UQCC1: variants seen among roughly 807,000 people sequenced by gnomAD.
UQCC1 encodes bFGF-repressed Zic-binding protein.
A neutral mutation model predicts 48.0 loss-of-function variants in UQCC1; 38 were observed. The observed-to-expected ratio is 0.79, with a 90% CI of 0.61 to 1.04. UQCC1 has a LOEUF of 1.04. Ranked by LOEUF, UQCC1 falls within the 50% of genes least tolerant of loss-of-function variation. UQCC1 has a pLI of 0.00. For missense variants in UQCC1, 368 were observed against 381.8 expected (o/e 0.96, Z 0.30); for synonymous variants, 111 against 129.2 (o/e 0.86, Z 0.95).
chr20:35,389,087 A>T (rs1275678309), intron 2 of UQCC1, among the ~76,000 whole-genome samples: 2 of 151,998 alleles, frequency 1.3e-5, no homozygotes, highest in Admixed American at 6.6e-5. Flanking sequence ...TAAAAAAAAT[A>T]AAAAAATAAA....
At chr20:35,311,944 T>A (rs918459459) in intron 8 of UQCC1, among the ~76,000 whole-genome samples, 5 of 152,136 alleles carry the variant, frequency 3.3e-5, no homozygotes, top group African/African-American at 1.2e-4. Flanking sequence ...AGATTTAGAT[T>A]TTAAAAGCAC....
intron 7 of UQCC1, chr20:35,346,023 T>G (rs2061428281): frequency 6.6e-6 from 1 of 152,162 alleles, no homozygotes; most frequent in South Asian, 2.1e-4. Context: ...CTGGGTCGGG[T>G]GGATACTTGC....
rs1336315060 is a variant in UQCC1 at position 35,321,281 on chromosome 20, TGTGC to T, written c.574-6520_574-6517del. On this transcript the variant is annotated intron_variant, in intron 7 of 9. Transcript: ENST00000374385. Reference sequence around the variant, plus strand: ...GTGTGTGTGTGTGTGTGTGTGTGTGTGTGCGCGCGCGCGCGCGCACGCTCAGGCA... The same window carrying T: ...GTGTGTGTGTGTGTGTGTGTGTGTGTGCGCGCGCGCGCGCACGCTCAGGCA... Among the ~76,000 whole-genome samples, 610 of 138,946 alleles carry T rather than the reference TGTGC, an allele frequency of 4.4e-3. 4 individuals carry two copies. The highest frequency in any genetic ancestry group is 0.013 in the African/African-American group (431 of 33,052). 91.2% of individuals were successfully genotyped at this position (138,946 alleles called of 152,430 possible).
intron 1 of UQCC1, among the ~76,000 whole-genome samples, chr20:35,406,720 T>A (rs1344589509): frequency 2.0e-5 from 3 of 152,234 alleles, no homozygotes; most frequent in Non-Finnish European, 4.4e-5. Context: ...ATGGATTTTT[T>A]GTTTGTAATT....
At chr20:35,325,876 C>CA (rs1022540483) in intron 7 of UQCC1, among the ~76,000 whole-genome samples, 4 of 150,238 alleles carry the variant, frequency 2.7e-5, no homozygotes, top group Admixed American at 6.6e-5. Context: ...AAAACACACA[C>CA]AAAAAAAACA....
At chr20:35,322,713 C>G (rs907948735) in intron 7 of UQCC1, among the ~76,000 whole-genome samples, 19 of 152,032 alleles carry the variant, frequency 1.2e-4, no homozygotes, top group African/African-American at 4.6e-4. Context: ...AGCCTGGCAA[C>G]TGAGCAAGAC....
At chr20:35,379,372 CCAATA>C (rs1332481040) in intron 4 of UQCC1, among the ~76,000 whole-genome samples, 81 of 152,310 alleles carry the variant, frequency 5.3e-4, no homozygotes, top group Non-Finnish European at 2.9e-4. Flanking sequence ...CCAGTGCAAT[CCAATA>C]CAAGTGCATT....
intron 6 of UQCC1, among the ~76,000 whole-genome samples, chr20:35,364,730 A>G (rs748218898): frequency 4.6e-5 from 7 of 152,266 alleles, no homozygotes; most frequent in South Asian, 2.1e-4. Flanking sequence ...AAGCAGGCAC[A>G]GTTTGGAAAC....
At chr20:35,370,324 C>A (rs1570003) in intron 5 of UQCC1, among the ~76,000 whole-genome samples, 1 of 151,288 alleles carries the variant, frequency 6.6e-6, no homozygotes, top group African/African-American at 2.4e-5. Context: ...TGGGATTACA[C>A]GTGTGAGCCA....
At chr20:35,363,598 C>T (rs1479738696) in intron 6 of UQCC1, among the ~76,000 whole-genome samples, 1 of 152,152 alleles carries the variant, frequency 6.6e-6, no homozygotes, top group African/African-American at 2.4e-5. Flanking sequence ...AAATCTTGTC[C>T]TTATTCTAAG....
At position 35,349,809 on chromosome 20, in the gene UQCC1, C is replaced by T. The variant is rs574155485; in HGVS notation, c.465-2537G>A. Among the ~76,000 whole-genome samples the T allele has an allele frequency of 1.6e-4, 25 of 152,262 alleles. No individual in the cohort carries two copies. The South Asian group carries it at 5.2e-3, about 32-fold the overall frequency. On this transcript the variant is annotated intron_variant, in intron 6 of 9. Coordinates refer to ENST00000374385, the MANE Select transcript of UQCC1 (RefSeq NM_018244.5). Reference sequence around the variant, plus strand: ...CCCAGATGTTTGAGACCAACCTGGGCAACACAGTTGGACCCCGATTCTACA... The same window carrying T: ...CCCAGATGTTTGAGACCAACCTGGGTAACACAGTTGGACCCCGATTCTACA...
At position 35,350,204 on chromosome 20, in the gene UQCC1, T is replaced by C. The variant is rs80003230; in HGVS notation, c.465-2932A>G. Among the ~76,000 whole-genome samples the C allele has an allele frequency of 3.9e-5, 6 of 152,278 alleles. No individual in the cohort carries two copies. The East Asian group carries it at 9.6e-4, about 24-fold the overall frequency. The stretch of plus-strand genomic sequence containing the variant: ...GTGCAGTGACACAATCATAGCCCAC[T>C]GTAACTTCAAATTCTTGGACTCAAG... On this transcript the variant is annotated intron_variant, in intron 6 of 9. Coordinates refer to ENST00000374385, the MANE Select transcript of UQCC1 (RefSeq NM_018244.5).
intron 5 of UQCC1, among the ~76,000 whole-genome samples, chr20:35,367,292 A>G (rs571743415): frequency 2.5e-4 from 38 of 152,220 alleles, no homozygotes; most frequent in Non-Finnish European, 4.0e-4. Context: ...GTGCTTCTAC[A>G]GTATTTTCCC....
chr20:35,335,104 ATAAC>A (rs1465619837), intron 7 of UQCC1, among the ~76,000 whole-genome samples: 1 of 152,224 alleles, frequency 6.6e-6, no homozygotes, highest in African/African-American at 2.4e-5. Context: ...TAATTTCATT[ATAAC>A]TAACACATAT....
intron 6 of UQCC1, among the ~76,000 whole-genome samples, chr20:35,363,593 T>G (rs574592853): frequency 5.3e-5 from 8 of 152,312 alleles, no homozygotes; most frequent in Non-Finnish European, 1.0e-4. Context: ...GTGAGAAATC[T>G]TGTCCTTATT....
chr20:35,389,675 A>G (rs1350726638), intron 2 of UQCC1, among the ~76,000 whole-genome samples: 1 of 152,262 alleles, frequency 6.6e-6, no homozygotes, highest in Non-Finnish European at 1.5e-5. Context: ...TAAATGGGGA[A>G]GAAGTGACAG....
At chr20:35,381,636 T>C (rs1212683548) in intron 4 of UQCC1, among the ~76,000 whole-genome samples, 1 of 152,152 alleles carries the variant, frequency 6.6e-6, no homozygotes, top group Non-Finnish European at 1.5e-5. Context: ...CAAAGAATGG[T>C]CCTCCTCTAT....
At chr20:35,380,798 C>T (rs1452396215) in intron 4 of UQCC1, among the ~76,000 whole-genome samples, 1 of 152,152 alleles carries the variant, frequency 6.6e-6, no homozygotes, top group Non-Finnish European at 1.5e-5. Flanking sequence ...TATTCCTTAT[C>T]TGAAACGTGT....
intron 8 of UQCC1, 152 bp from the exon 9 acceptor site, chr20:35,306,931 G>C: frequency 1.4e-6 from 1 of 695,648 alleles, no homozygotes; most frequent in Non-Finnish European, 2.6e-6. Context: ...CACAGTAGAG[G>C]TGGAAGGGGT....
Sources: gnomAD v4.1 joint callset for allele counts (sites outside exome capture counted in the v4.1 genomes callset) on GRCh38, gnomAD v4.1.1 for gene constraint, MANE v1.5 for transcripts, NCBI Gene and HGNC (gene_info 2026-07-23, HGNC 2026-07-21) for gene names.